The following MYEF2 variants were observed in gnomAD, a reference collection of about 807,000 sequenced individuals.
MYEF2 encodes myelin gene expression factor 2.
MYEF2 carries 37 observed loss-of-function variants against 75.2 expected under a neutral mutation model. The observed-to-expected ratio is 0.49, with a 90% CI of 0.38 to 0.65. The LOEUF is 0.65. Ranked by LOEUF, MYEF2 falls within the 30% of genes least tolerant of loss-of-function variation. The probability of loss-of-function intolerance (pLI) is 0.00; values close to 1 mark genes in which losing one functional copy is unlikely to be tolerated. For synonymous variants in MYEF2, 195 were observed against 241.6 expected, an observed-to-expected ratio of 0.81 and a Z score of 1.79; for missense variants, 634 against 771.4, an observed-to-expected ratio of 0.82 and a Z score of 2.11.
chr15:48,151,596 A>G (rs1432426649), intron 12 of MYEF2, 25 bp from the exon 13 acceptor site: 1 of 1,574,010 alleles, frequency 6.4e-7, no homozygotes, highest in Non-Finnish European at 8.7e-7. Flanking sequence ...CAACAAATTA[A>G]CCTTTTCAAA....
chr15:48,151,036 T>G, intron 14 of MYEF2, 64 bp downstream of exon 14: 5 of 1,113,384 alleles, frequency 4.5e-6, no homozygotes, highest in South Asian at 1.4e-5. Context: ...CGATAACTAC[T>G]CTTGCAAAGT....
At chr15:48,171,278 C>T (rs898078558) in intron 1 of MYEF2, among the ~76,000 whole-genome samples, 1 of 152,174 alleles carries the variant, frequency 6.6e-6, no homozygotes, top group African/African-American at 2.4e-5. Context: ...TCTATATAGT[C>T]TCTAGATTAA....
Position 48,138,911 on chromosome 15 carries a change from T to G in MYEF2, c.*3997A>C, listed in dbSNP as rs2038970338. 1.5e-6 allele frequency: 2 copies of G among 1,306,548 alleles called. No homozygotes were observed. The highest frequency in any genetic ancestry group is 4.2e-5 in the Admixed American group (2 of 47,822). 80.9% of individuals were successfully genotyped at this position (1,306,548 alleles called of 1,614,324 possible). A position where few individuals can be genotyped will look rare whatever the true frequency, so the allele number is the denominator to read the frequency against. On this transcript the variant is annotated 3_prime_UTR_variant, in exon 17 of 17. Transcript: ENST00000324324. ...TTCAATATAACTTTCTAAATAGGCATTTCTAACTTAATTAGCCATTTGAGA... is the reference window on the plus strand; with the variant it reads ...TTCAATATAACTTTCTAAATAGGCAGTTCTAACTTAATTAGCCATTTGAGA...
rs2039489029 is a variant in MYEF2 at position 48,151,474 on chromosome 15, A to T, written c.1305T>A (p.Leu435=). The change falls in exon 13 of 17, where the codon CTT becomes CTA. Residue 435 remains leucine, a splice_region_variant and synonymous_variant. Transcript: ENST00000324324. ...NRGFGDSFGR[L]GSAMIGGFAG... ...GGAGAAGTATGCAGCCAGCCCTACC[A>T]AGTCTACCAAAGGAATCTCCAAAGC... The T allele has an allele frequency of 6.2e-7, 1 of 1,611,800 alleles. No individual in the cohort carries two copies. The highest frequency in any genetic ancestry group is 8.5e-7 in the Non-Finnish European group (1 of 1,178,188).
At chr15:48,152,182 T>A in intron 11 of MYEF2, 52 bp downstream of exon 11, 1 of 1,483,506 alleles carries the variant, frequency 6.7e-7, no homozygotes, top group Non-Finnish European at 9.4e-7. Context: ...CAGTTTCTAG[T>A]TTATTAAAAA....
intron 16 of MYEF2, among the ~76,000 whole-genome samples, chr15:48,145,308 ATT>A (rs923097730): frequency 6.6e-6 from 1 of 151,864 alleles, no homozygotes; most frequent in African/African-American, 2.4e-5. Context: ...CAACTGAAAT[ATT>A]TTCTTTTCTA....
At chr15:48,177,939 C>G in intron 1 of MYEF2, 138 bp downstream of exon 1, 2 of 1,195,258 alleles carry the variant, frequency 1.7e-6, no homozygotes, top group East Asian at 3.0e-5. Flanking sequence ...TGCACCTGCT[C>G]CTCAGGAAGC....
Position 48,142,321 on chromosome 15 carries a change from A to C in MYEF2, c.*587T>G. 1 of 1,607,678 alleles carries C rather than the reference A, an allele frequency of 6.2e-7. No homozygotes were observed. Among genetic ancestry groups the C allele is most frequent in the Non-Finnish European group, 8.5e-7 (1 of 1,176,492 alleles). On this transcript the variant is annotated 3_prime_UTR_variant, in exon 17 of 17. Transcript: ENST00000324324. Reference sequence around the variant, plus strand: ...TTCTATATGAACTTGGAATTATTGGAAATAATAAAATAAGGGGCTGTGGAG... The same window carrying C: ...TTCTATATGAACTTGGAATTATTGGCAATAATAAAATAAGGGGCTGTGGAG...
Position 48,141,199 on chromosome 15 carries a change from T to C in MYEF2, c.*1709A>G, listed in dbSNP as rs757518456. ...CATACCAGACACAATTGCAAGTGTG[T>C]TGGTTGCAAGAAAAGGTAAGAACTA... is the stretch of plus-strand genomic sequence containing the variant. On this transcript the variant is annotated 3_prime_UTR_variant, in exon 17 of 17. Transcript: ENST00000324324. The C allele has an allele frequency of 9.3e-6, 15 of 1,613,218 alleles. No homozygotes were observed. In the African/African-American group the frequency reaches 1.7e-4, roughly 19 times the overall value.
rs1435280556 is a variant in MYEF2 at position 48,137,805 on chromosome 15, A to C, written c.*5103T>G. 6.6e-6 allele frequency: 1 copy of C among 152,146 alleles called. No homozygotes were observed. The highest frequency in any genetic ancestry group is 1.5e-5 in the Non-Finnish European group (1 of 68,000). 9.4% of individuals were successfully genotyped at this position (152,146 alleles called of 1,614,324 possible). Reference sequence around the variant, plus strand: ...GGGCTGGTTTGGAAGAAAGAAGAAAAACAGCTGAGGTTTACCATTGTTTAA... The same window carrying C: ...GGGCTGGTTTGGAAGAAAGAAGAAACACAGCTGAGGTTTACCATTGTTTAA... On this transcript the variant is annotated 3_prime_UTR_variant, in exon 17 of 17. Transcript: ENST00000324324.
chr15:48,158,654 T>G, intron 7 of MYEF2, 115 bp downstream of exon 7: 1 of 1,249,262 alleles, frequency 8.0e-7, no homozygotes, highest in South Asian at 1.4e-5. Flanking sequence ...GAGACTAAAG[T>G]CTAACACACA....
Position 48,142,590 on chromosome 15 carries a change from T to G in MYEF2, c.*318A>C, listed in dbSNP as rs1411705076. The G allele has an allele frequency of 1.1e-4, 48 of 452,010 alleles. No individual in the cohort carries two copies. Among genetic ancestry groups the G allele is most frequent in the Non-Finnish European group, 1.7e-4 (44 of 261,630 alleles). The allele number at this position is 452,010 out of a possible 1,614,324, so 28.0% of individuals were successfully genotyped here. ...AATCTATGTTTTACCATACAATAAGTTGACAAAAACTGGAGAAACTAGAAC... is the reference window on the plus strand; with the variant it reads ...AATCTATGTTTTACCATACAATAAGGTGACAAAAACTGGAGAAACTAGAAC... On this transcript the variant is annotated 3_prime_UTR_variant, in exon 17 of 17. Transcript: ENST00000324324.
chr15:48,142,280 C>T lies in MYEF2; in HGVS notation c.*628G>A, dbSNP rs144839248. On this transcript the variant is annotated 3_prime_UTR_variant, in exon 17 of 17. Transcript: ENST00000324324. ...AGTCTGCCTATTATCATACTTGGGG[C>T]TTGCTACATTATCAGTTCTATATGA... 6.2e-7 allele frequency: 1 copy of T among 1,613,398 alleles called. No individual in the cohort carries two copies. The highest frequency in any genetic ancestry group is 8.5e-7 in the Non-Finnish European group (1 of 1,179,646).
intron 1 of MYEF2, chr15:48,169,748 C>T (rs960725414): frequency 2.6e-5 from 4 of 152,076 alleles, no homozygotes; most frequent in African/African-American, 9.7e-5. Flanking sequence ...AGGTGCCCAC[C>T]ACCATGCCCA....
chr15:48,151,058 C>T, intron 14 of MYEF2, 42 bp downstream of exon 14: 1 of 1,437,092 alleles, frequency 7.0e-7, no homozygotes, highest in Non-Finnish European at 9.7e-7. Context: ...TTTGCAAGCA[C>T]TCAAATATTA....
intron 5 of MYEF2, 73 bp downstream of exon 5, chr15:48,165,860 T>C (rs1305637448): frequency 8.7e-6 from 10 of 1,143,638 alleles, no homozygotes; most frequent in Non-Finnish European, 1.3e-5. Flanking sequence ...GCAAATATAT[T>C]ACCAAATTGA....
Position 48,141,049 on chromosome 15 carries a change from A to G in MYEF2, c.*1859T>C, listed in dbSNP as rs1281940003. 8 of 1,339,706 alleles carry G rather than the reference A, an allele frequency of 6.0e-6. No homozygotes were observed. Among genetic ancestry groups the G allele is most frequent in the Non-Finnish European group, 8.5e-6 (8 of 944,888 alleles). 83.0% of individuals were successfully genotyped at this position (1,339,706 alleles called of 1,614,324 possible). ...TTTGTTCACGAAGGAAATATCCAAA[A>G]TAACTGCAAAGGATGGTTAGTGAAT... On this transcript the variant is annotated 3_prime_UTR_variant, in exon 17 of 17. Transcript: ENST00000324324.
At position 48,178,256 on chromosome 15, in the gene MYEF2, G is replaced by T; in HGVS notation, c.-19C>A. The T allele has an allele frequency of 7.2e-7, 1 of 1,383,964 alleles. No individual in the cohort carries two copies. Among genetic ancestry groups the T allele is most frequent in the Non-Finnish European group, 9.3e-7 (1 of 1,074,408 alleles). 85.7% of individuals were successfully genotyped at this position (1,383,964 alleles called of 1,614,324 possible). A position where few individuals can be genotyped will look rare whatever the true frequency, so the allele number is the denominator to read the frequency against. ...CCGCCATCCCGCCGCCGCTGCCTCC[G>T]CCTCGGCCGCCTGAGCTGAGGGGCT... is the stretch of plus-strand genomic sequence containing the variant. On this transcript the variant is annotated 5_prime_UTR_variant, in exon 1 of 17. Coordinates refer to ENST00000324324, the MANE Select transcript of MYEF2 (RefSeq NM_016132.5).
intron 1 of MYEF2, among the ~76,000 whole-genome samples, chr15:48,171,319 A>G (rs1478308790): frequency 6.6e-6 from 1 of 152,176 alleles, no homozygotes; most frequent in Non-Finnish European, 1.5e-5. Context: ...TTCTTCCTGG[A>G]TTAAACCAAT....
Sources: gnomAD v4.1 joint callset for allele counts (sites outside exome capture counted in the v4.1 genomes callset) on GRCh38, gnomAD v4.1.1 for gene constraint, MANE v1.5 for transcripts, NCBI Gene and HGNC (gene_info 2026-07-23, HGNC 2026-07-21) for gene names.